The following LRRC8C variants were observed in gnomAD, a reference collection of about 807,000 sequenced individuals.
LRRC8C encodes leucine rich repeat containing 8 VRAC subunit C.
A neutral mutation model predicts 55.3 loss-of-function variants in LRRC8C; 20 were observed. The ratio of observed to expected loss-of-function variants is 0.36; its 90% CI spans 0.25 to 0.53. The LOEUF (loss-of-function observed/expected upper bound fraction) is 0.53. Ranked by LOEUF, LRRC8C falls within the 20% of genes least tolerant of loss-of-function variation. The probability of loss-of-function intolerance (pLI) is 0.92; values close to 1 mark genes in which losing one functional copy is unlikely to be tolerated. For synonymous variants in LRRC8C, 376 were observed against 360.7 expected (o/e 1.04, Z -0.48); for missense variants, 659 against 951.4 (o/e 0.69, Z 4.04).
intron 1 of LRRC8C, among the ~76,000 whole-genome samples, chr1:89,659,062 TGTGTGTG>T (rs1282433780): frequency 0.02 from 1,351 of 66,914 alleles, 114 homozygotes; most frequent in East Asian, 0.051. Flanking sequence ...TTTTTTTTTT[TGTGTGTG>T]TGTGTGTGTG....
intron 1 of LRRC8C, among the ~76,000 whole-genome samples, chr1:89,671,338 T>C (rs1417869929): frequency 6.7e-6 from 1 of 149,802 alleles, no homozygotes; most frequent in Admixed American, 6.6e-5. Context: ...AAGGGCATAC[T>C]CAAGGAAGGG....
At chr1:89,692,661 A>G (rs377260940) in intron 2 of LRRC8C, among the ~76,000 whole-genome samples, 2 of 152,340 alleles carry the variant, frequency 1.3e-5, no homozygotes, top group East Asian at 3.9e-4. Flanking sequence ...TCCTTAGATT[A>G]CATCAATCCA....
intron 1 of LRRC8C, among the ~76,000 whole-genome samples, chr1:89,634,891 G>A (rs1318675044): frequency 6.6e-6 from 1 of 152,002 alleles, no homozygotes; most frequent in African/African-American, 2.4e-5. Context: ...GGGGATGTAG[G>A]GCAGTTTTGC....
At chr1:89,711,439 A>T (rs971011547) in intron 2 of LRRC8C, among the ~76,000 whole-genome samples, 4 of 152,218 alleles carry the variant, frequency 2.6e-5, no homozygotes, top group African/African-American at 9.6e-5. Flanking sequence ...ATCACTAAAC[A>T]TTGTGGATTT....
Position 89,671,099 on chromosome 1 carries a change from C to T in LRRC8C, c.-4-15371C>T, listed in dbSNP as rs1270911022. On this transcript the variant is annotated intron_variant, in intron 1 of 2. Coordinates refer to ENST00000370454, the MANE Select transcript of LRRC8C (RefSeq NM_032270.5). ...ATGGGGTCTGGCTCTGTCACCCAGGCTGGAGTGCAGTGGCTATTCATGGGT... is the reference window on the plus strand; with the variant it reads ...ATGGGGTCTGGCTCTGTCACCCAGGTTGGAGTGCAGTGGCTATTCATGGGT... 5.3e-5 allele frequency among the ~76,000 whole-genome samples: 8 copies of T among 152,194 alleles called. No individual in the cohort carries two copies. The East Asian group carries it at 1.3e-3, about 26-fold the overall frequency.
At chr1:89,644,140 A>G (rs1175283933) in intron 1 of LRRC8C, among the ~76,000 whole-genome samples, 1 of 152,212 alleles carries the variant, frequency 6.6e-6, no homozygotes, top group Non-Finnish European at 1.5e-5. Flanking sequence ...ACAATTATAA[A>G]CTGACCAAAA....
At chr1:89,642,719 G>A (rs1363057921) in intron 1 of LRRC8C, among the ~76,000 whole-genome samples, 3 of 152,132 alleles carry the variant, frequency 2.0e-5, no homozygotes, top group East Asian at 1.9e-4. Flanking sequence ...ATAGTGGCAC[G>A]CACCTGTAAT....
At chr1:89,696,469 G>T (rs1040600998) in intron 2 of LRRC8C, among the ~76,000 whole-genome samples, 1 of 152,152 alleles carries the variant, frequency 6.6e-6, no homozygotes, top group East Asian at 1.9e-4. Flanking sequence ...AGACAGAGGG[G>T]AGAGGGGAAG....
At position 89,714,984 on chromosome 1, in the gene LRRC8C, T is replaced by A. The variant is rs199650593; in HGVS notation, c.*2T>A. 1,363 of 1,560,058 alleles carry A rather than the reference T, an allele frequency of 8.7e-4. 12 individuals carry two copies. In the South Asian group the frequency reaches 0.016, roughly 18 times the overall value. On this transcript the variant is annotated 3_prime_UTR_variant, in exon 3 of 3. Coordinates refer to ENST00000370454, the MANE Select transcript of LRRC8C (RefSeq NM_032270.5). The surrounding 1 kb of genome is among the most constrained non-coding windows in gnomAD (Gnocchi z 4.6). ...CGGGAGCAAATGAAAACAGAATAAC[T>A]TATTTTTCGTTAAAGTTTGACTGAA...
chr1:89,717,182 A>G lies in LRRC8C; in HGVS notation c.*2200A>G, dbSNP rs1034572060. 6.6e-6 allele frequency: 1 copy of G among 152,180 alleles called. No homozygotes were observed. Among genetic ancestry groups the G allele is most frequent in the Non-Finnish European group, 1.5e-5 (1 of 68,026 alleles). 9.4% of individuals were successfully genotyped at this position (152,180 alleles called of 1,614,324 possible). On this transcript the variant is annotated 3_prime_UTR_variant, in exon 3 of 3. Transcript: ENST00000370454. ...CAAATAATTTGTTGGCCGATTGTCCATGGTTGAGCATGACAAAAATACCTC... is the reference window on the plus strand; with the variant it reads ...CAAATAATTTGTTGGCCGATTGTCCGTGGTTGAGCATGACAAAAATACCTC...
At chr1:89,624,194 GA>G in the LRRC8C span, among the ~76,000 whole-genome samples, 1 of 152,188 alleles carries the variant, frequency 6.6e-6, no homozygotes, top group Non-Finnish European at 1.5e-5. Flanking sequence ...TTGCTTTGGA[GA>G]AAAACATTAT....
At position 89,659,060 on chromosome 1, in the gene LRRC8C, TTTGTGTGTGTGTGTG is replaced by T. The variant is rs1390820099; in HGVS notation, c.-5+25740_-5+25754del. 9.3e-5 allele frequency among the ~76,000 whole-genome samples: 5 copies of T among 54,018 alleles called. 1 individual carries two copies. The highest frequency in any genetic ancestry group is 2.0e-4 in the Admixed American group (1 of 4,926). The allele number at this position is 54,018 out of a possible 152,430, so 35.4% of individuals were successfully genotyped here. On this transcript the variant is annotated intron_variant, in intron 1 of 2. Transcript: ENST00000370454. The stretch of plus-strand genomic sequence containing the variant: ...GTGTCTTCTCCAGGTTTTTTTTTTT[TTTGTGTGTGTGTGTG>T]TGTGTGTGTGTGTGTGTGTGTGTGT...
intron 1 of LRRC8C, among the ~76,000 whole-genome samples, chr1:89,636,968 C>T (rs1397755638): frequency 2.0e-5 from 3 of 152,060 alleles, no homozygotes; most frequent in South Asian, 2.1e-4. Flanking sequence ...GAATGAGAGA[C>T]AAATCGGATA....
At chr1:89,632,889 CGAGT>C (rs2101166285), upstream of LRRC8C, 1 of 152,438 alleles carries the variant, frequency 6.6e-6, no homozygotes, top group East Asian at 1.9e-4. Flanking sequence ...CCCTCGCTGG[CGAGT>C]CCCGGGAGCG....
intron 1 of LRRC8C, among the ~76,000 whole-genome samples, chr1:89,657,038 A>G (rs562593491): frequency 3.9e-5 from 6 of 152,336 alleles, no homozygotes; most frequent in Admixed American, 1.3e-4. Flanking sequence ...CTTTCTGGCT[A>G]TAAAACATAC....
rs1570730611 is a variant in LRRC8C at position 89,693,873 on chromosome 1, T to TCTTGAACTCCTGGCCTAGAAAC, written c.138+7281_138+7282insAACCTTGAACTCCTGGCCTAGA. ...AGTTTAACCATTTTGGCCAGGTTGG[T>TCTTGAACTCCTGGCCTAGAAAC]CTTGAACTCCTGGCCTAGAGTGATC... is the stretch of plus-strand genomic sequence containing the variant. On this transcript the variant is annotated intron_variant, in intron 2 of 2. Transcript: ENST00000370454. Among the ~76,000 whole-genome samples, 3 of 151,980 alleles carry TCTTGAACTCCTGGCCTAGAAAC rather than the reference T, an allele frequency of 2.0e-5. No homozygotes were observed. In the East Asian group the frequency reaches 5.8e-4, roughly 29 times the overall value.
chr1:89,661,249 C>A, intron 1 of LRRC8C: 1 of 263,330 alleles, frequency 3.8e-6, no homozygotes, highest in Admixed American at 3.9e-5. Flanking sequence ...TTGCTGTAAT[C>A]CACAATTACT....
chr1:89,676,110 A>G (rs1045014956), intron 1 of LRRC8C: 6 of 152,230 alleles, frequency 3.9e-5, no homozygotes, highest in Non-Finnish European at 8.8e-5. Flanking sequence ...AAAAATCCCA[A>G]AGAAATTAAA....
chr1:89,706,599 A>G (rs188593435), intron 2 of LRRC8C, among the ~76,000 whole-genome samples: 2 of 152,294 alleles, frequency 1.3e-5, no homozygotes, highest in African/African-American at 2.4e-5. Context: ...CATTCAAGGT[A>G]TTTCAGTATG....
Sources: gnomAD v4.1 joint callset for allele counts (sites outside exome capture counted in the v4.1 genomes callset) on GRCh38, gnomAD v4.1.1 for gene constraint, Gnocchi (gnomAD v3.1) non-coding constraint, MANE v1.5 for transcripts, NCBI Gene and HGNC (gene_info 2026-07-23, HGNC 2026-07-21) for gene names.